Variants in TENT5D observed in about 807,000 individuals in gnomAD.
The protein encoded by TENT5D is terminal nucleotidyltransferase 5D.
For synonymous variants in TENT5D, 103 were observed against 100.6 expected (o/e 1.02, Z -0.15); for missense variants, 191 against 287.0 (o/e 0.67, Z 2.42).
chrX:80,418,158 A>AT (rs1280478443), upstream of TENT5D, among the ~76,000 whole-genome samples: 7 of 108,621 alleles, frequency 6.4e-5, no homozygotes, highest in Non-Finnish European at 7.7e-5. Context: ...ATCTTTAATG[A>AT]TTTTTTTTTG....
At chrX:80,375,434 G>GTAAT (rs1171438583) in intron 3 of TENT5D, among the ~76,000 whole-genome samples, 1 of 111,066 alleles carries the variant, frequency 9.0e-6, no homozygotes, top group Non-Finnish European at 1.9e-5. Flanking sequence ...GTGTCTTATT[G>GTAAT]TAATAGGTGC....
intron 3 of TENT5D, among the ~76,000 whole-genome samples, chrX:80,371,649 A>T (rs1191179978): frequency 9.0e-6 from 1 of 111,638 alleles, no homozygotes; most frequent in Non-Finnish European, 1.9e-5. Context: ...CTTTCCTTAA[A>T]CCTCATGAAC....
Position 80,412,180 on chromosome X carries a change from G to C in TENT5D, c.-141-26430G>C, listed in dbSNP as rs182693484. On this transcript the variant is annotated intron_variant, in intron 3 of 4. Coordinates refer to the TENT5D transcript ENST00000538312. The stretch of plus-strand genomic sequence containing the variant: ...TCTGGAGTCACAGCTCGAGCTGTAC[G>C]TTGGCCCCTTTCAGCCATGGCTGGG... Among the ~76,000 whole-genome samples, 268 of 112,834 alleles carry C rather than the reference G, an allele frequency of 2.4e-3. 1 individual carries two copies. Among genetic ancestry groups the C allele is most frequent in the Non-Finnish European group, 4.0e-3 (214 of 53,331 alleles).
intron 3 of TENT5D, among the ~76,000 whole-genome samples, chrX:80,358,815 A>G (rs1930343348): frequency 8.9e-6 from 1 of 112,110 alleles, no homozygotes; most frequent in African/African-American, 3.2e-5. Context: ...AAACACATGG[A>G]AAACATTGTG....
At chrX:80,422,692 T>A (rs1269187547) in intron 1 of TENT5D, among the ~76,000 whole-genome samples, 1 of 110,124 alleles carries the variant, frequency 9.1e-6, no homozygotes. Context: ...GTTTTTTGGG[T>A]TTTTTTTGTT....
At chrX:80,398,571 G>C (rs761072523) in intron 3 of TENT5D, among the ~76,000 whole-genome samples, 2 of 108,019 alleles carry the variant, frequency 1.9e-5, no homozygotes, top group East Asian at 5.8e-4. Flanking sequence ...TTTCTATTTT[G>C]AGTTGATTTT....
chrX:80,378,689 G>A (rs1387774602), intron 3 of TENT5D, among the ~76,000 whole-genome samples: 1 of 111,256 alleles, frequency 9.0e-6, no homozygotes. Flanking sequence ...TAGCCTTGTA[G>A]TATAGCTTGA....
chrX:80,414,312 T>C (rs1363044101), intron 3 of TENT5D, among the ~76,000 whole-genome samples: 1 of 111,909 alleles, frequency 8.9e-6, no homozygotes, highest in Non-Finnish European at 1.9e-5. Flanking sequence ...GTTTGAACCA[T>C]AAAGATAGCT....
intron 2 of TENT5D, among the ~76,000 whole-genome samples, chrX:80,441,282 C>T (rs1001003536): frequency 1.8e-5 from 2 of 111,091 alleles, no homozygotes; most frequent in Admixed American, 9.6e-5. Context: ...TTTAATTTTT[C>T]CTTCTCACTA....
At chrX:80,342,885 CTT>C (rs908577960) in intron 3 of TENT5D, among the ~76,000 whole-genome samples, 28 of 111,266 alleles carry the variant, frequency 2.5e-4, no homozygotes, top group African/African-American at 8.5e-4. Context: ...TTTTGTCTGT[CTT>C]TTGTTTAAAC....
intron 1 of TENT5D, among the ~76,000 whole-genome samples, chrX:80,432,109 G>C (rs1932100603): frequency 9.0e-6 from 1 of 110,514 alleles, no homozygotes; most frequent in African/African-American, 3.3e-5. Flanking sequence ...ATATCCCCAG[G>C]TTGCAAAAAC....
chrX:80,373,688 A>T (rs764914951), intron 3 of TENT5D, among the ~76,000 whole-genome samples: 4 of 111,303 alleles, frequency 3.6e-5, no homozygotes, highest in Admixed American at 9.6e-5. Flanking sequence ...ATTTAGTCAC[A>T]TCACCAAGTG....
chrX:80,428,814 T>C (rs1428951933), intron 1 of TENT5D, among the ~76,000 whole-genome samples: 2 of 112,136 alleles, frequency 1.8e-5, no homozygotes, highest in Non-Finnish European at 1.9e-5. Flanking sequence ...TTACATACTT[T>C]ACTGAAGTCT....
At chrX:80,429,465 G>C (rs1932043863) in intron 1 of TENT5D, among the ~76,000 whole-genome samples, 3 of 108,057 alleles carry the variant, frequency 2.8e-5, no homozygotes, top group Non-Finnish European at 5.8e-5. Flanking sequence ...ACCACGCCCA[G>C]CTAATTTTTT....
At chrX:80,433,226 G>A (rs777433333) in intron 1 of TENT5D, among the ~76,000 whole-genome samples, 1 of 112,334 alleles carries the variant, frequency 8.9e-6, no homozygotes, top group Non-Finnish European at 1.9e-5. Context: ...TAAAGTGGCT[G>A]TGGGCATATC....
chrX:80,337,939 T>C (rs1929884786), intron 2 of TENT5D, among the ~76,000 whole-genome samples: 1 of 111,150 alleles, frequency 9.0e-6, no homozygotes, highest in Non-Finnish European at 1.9e-5. Context: ...TAATTTTTTG[T>C]ATTTTAGTAG....
In TENT5D at chrX:80,366,208, A is replaced by AGTGTGTGTGTGTGT. The variant is rs3087109; in HGVS notation, c.-142+23663_-142+23676dup. On this transcript the variant is annotated intron_variant, in intron 3 of 4. Coordinates refer to the TENT5D transcript ENST00000538312. ...AGAGAGAGAAAGAGAGAAGACAGGG[A>AGTGTGTGTGTGTGT]GTGTGTGTGTGTGTGTGTGTGTGTG... 2.8e-3 allele frequency among the ~76,000 whole-genome samples: 276 copies of AGTGTGTGTGTGTGT among 98,464 alleles called. 3 individuals are homozygous for AGTGTGTGTGTGTGT. The highest frequency in any genetic ancestry group is 9.4e-3 in the South Asian group (19 of 2,027). The allele number at this position is 98,464 out of a possible 115,157, so 85.5% of individuals were successfully genotyped here. A position where few individuals can be genotyped will look rare whatever the true frequency, so the allele number is the denominator to read the frequency against.
intron 3 of TENT5D, among the ~76,000 whole-genome samples, chrX:80,379,960 C>T (rs1930822421): frequency 9.4e-6 from 1 of 106,937 alleles, no homozygotes; most frequent in Non-Finnish European, 1.9e-5. Context: ...CTTTCTCCTT[C>T]AGTTCTGCTC....
Position 80,373,156 on chromosome X carries a change from A to T in TENT5D, c.-142+30592A>T, listed in dbSNP as rs766653710. The stretch of plus-strand genomic sequence containing the variant: ...ATCCTGTCATGTGTATATGTTTCTC[A>T]AATAAGATCCCCTTTTAAAATGTAA... On this transcript the variant is annotated intron_variant, in intron 3 of 4. Coordinates refer to the TENT5D transcript ENST00000538312. Among the ~76,000 whole-genome samples, 127 of 111,111 alleles carry T rather than the reference A, an allele frequency of 1.1e-3. 1 individual carries two copies. Among genetic ancestry groups the T allele is most frequent in the Non-Finnish European group, 1.8e-3 (93 of 53,052 alleles).
Sources: allele counts gnomAD v4.1 joint callset (sites outside exome capture counted in the v4.1 genomes callset), GRCh38; gene constraint gnomAD v4.1.1; transcripts MANE v1.5; gene names NCBI Gene and HGNC (gene_info 2026-07-23, HGNC 2026-07-21).